Variants in ARID1B observed in about 807,000 individuals in gnomAD.
ARID1B encodes the protein AT-rich interaction domain 1B, also known as AT-rich interactive domain-containing protein 1B.
A neutral mutation model predicts 212.3 loss-of-function variants in ARID1B; 30 were observed. The observed-to-expected ratio is 0.14, with a 90% CI of 0.11 to 0.19. The LOEUF is 0.19. Ranked by LOEUF, ARID1B falls within the 10% of genes least tolerant of loss-of-function variation. ARID1B has a pLI of 1.00. For synonymous variants in ARID1B, 1,402 were observed against 1,301.7 expected (o/e 1.08, Z -1.66); for missense variants, 2,891 against 3,204.0 (o/e 0.90, Z 2.36).
chr6:156,844,958 G>C (rs898018584), intron 2 of ARID1B, among the ~76,000 whole-genome samples: 3 of 152,102 alleles, frequency 2.0e-5, no homozygotes, highest in Admixed American at 2.0e-4. Flanking sequence ...TCAAGATGGT[G>C]GAACCCATTA....
chr6:156,975,274 G>A (rs2128357141), intron 4 of ARID1B, among the ~76,000 whole-genome samples: 1 of 152,218 alleles, frequency 6.6e-6, no homozygotes, highest in Non-Finnish European at 1.5e-5. Context: ...GTGTGCATTG[G>A]CCATTTATAC....
chr6:156,957,037 T>C (rs1583025848), intron 4 of ARID1B, among the ~76,000 whole-genome samples: 1 of 152,346 alleles, frequency 6.6e-6, no homozygotes, highest in Admixed American at 6.5e-5. Flanking sequence ...TGATTTGTAA[T>C]GTATTCTGAG....
chr6:157,115,382 A>G (rs1245884798), intron 6 of ARID1B, among the ~76,000 whole-genome samples: 6 of 152,120 alleles, frequency 3.9e-5, no homozygotes, highest in Non-Finnish European at 5.9e-5. Flanking sequence ...GTTTTCCAGT[A>G]TAAAACTTGA....
chr6:157,154,877 G>A (rs1162810255), intron 8 of ARID1B, among the ~76,000 whole-genome samples: 6 of 151,956 alleles, frequency 3.9e-5, no homozygotes, highest in Non-Finnish European at 5.9e-5. Context: ...TACTGCGCCC[G>A]GCCTGTTGCT....
chr6:156,778,628 C>T lies in ARID1B; in HGVS notation c.948C>T (p.Tyr316=), dbSNP rs780851634. The T allele has an allele frequency of 1.4e-6, 2 of 1,426,618 alleles. No homozygotes were observed. The highest frequency in any genetic ancestry group is 1.4e-5 in the South Asian group (1 of 70,274). 88.4% of individuals were successfully genotyped at this position (1,426,618 alleles called of 1,614,324 possible). ...CGGCCGTCCCGGAGTTTAATAATTA[C>T]TATGGCAGCGCTGCCCCTGCGAGCG... is the stretch of plus-strand genomic sequence containing the variant. ...GPAAVPEFNN[Y]YGSAAPASGG... is the part of the protein sequence containing the mutation. The change falls in exon 1 of 20, where the codon TAC becomes TAT. Residue 316 remains tyrosine (Y), a synonymous_variant. Coordinates refer to ENST00000636930, the MANE Select transcript of ARID1B (RefSeq NM_001374828.1).
intron 4 of ARID1B, among the ~76,000 whole-genome samples, chr6:157,044,707 G>C (rs558419912): frequency 6.6e-6 from 1 of 152,294 alleles, no homozygotes; most frequent in East Asian, 1.9e-4. Flanking sequence ...TTTTGGTTCT[G>C]TAGAGCTGTG....
chr6:157,120,544 A>G (rs1787638234), intron 6 of ARID1B, among the ~76,000 whole-genome samples: 1 of 152,234 alleles, frequency 6.6e-6, no homozygotes, highest in East Asian at 1.9e-4. Flanking sequence ...GCAAATAAAC[A>G]CTGAACATAG....
chr6:157,018,906 G>T (rs559832605), intron 4 of ARID1B, among the ~76,000 whole-genome samples: 1 of 152,192 alleles, frequency 6.6e-6, no homozygotes, highest in African/African-American at 2.4e-5. Flanking sequence ...GGTCAGGGAA[G>T]ACTTGGAAGC....
intron 4 of ARID1B, among the ~76,000 whole-genome samples, chr6:157,057,280 G>C (rs940491203): frequency 3.3e-5 from 5 of 152,160 alleles, no homozygotes; most frequent in Non-Finnish European, 5.9e-5. Flanking sequence ...ACAGGCGTGA[G>C]CCACCACGTG....
chr6:156,873,842 GCCCCCAGCCCAACCTGT>G (rs1474930813), intron 2 of ARID1B, among the ~76,000 whole-genome samples: 2 of 152,100 alleles, frequency 1.3e-5, no homozygotes, highest in Non-Finnish European at 2.9e-5. Context: ...CTGGATCTGT[GCCCCCAGCCCAACCTGT>G]CTCTCAGCTG....
chr6:157,123,235 C>T (rs1443012071), intron 6 of ARID1B, among the ~76,000 whole-genome samples: 2 of 13,478 alleles, frequency 1.5e-4, no homozygotes, highest in African/African-American at 5.3e-4. Flanking sequence ...CCCCCCGCCC[C>T]CCGCCCCCCC....
intron 13 of ARID1B, among the ~76,000 whole-genome samples, chr6:157,188,546 G>T (rs1583477515): frequency 6.6e-6 from 1 of 152,174 alleles, no homozygotes; most frequent in Non-Finnish European, 1.5e-5. Flanking sequence ...CCTTGGGAAC[G>T]TCATAGGAAA....
intron 2 of ARID1B, among the ~76,000 whole-genome samples, chr6:156,870,825 A>T (rs1023604279): frequency 1.3e-5 from 2 of 152,144 alleles, no homozygotes; most frequent in African/African-American, 4.8e-5. Flanking sequence ...GCTGTGTGAC[A>T]TTGGACTCTA....
rs6902709 is a variant in ARID1B, at chr6:157,044,036, A to T, written c.2248-40626A>T. ...AAGTCCTTGCTTCCACGGATCTTAC[A>T]TTCTGGACACAACATTTGGAATGAT... is the stretch of plus-strand genomic sequence containing the variant. On this transcript the variant is annotated intron_variant, in intron 4 of 19. Coordinates refer to ENST00000636930, the MANE Select transcript of ARID1B (RefSeq NM_001374828.1). Among the ~76,000 whole-genome samples, 842 of 152,348 alleles carry T rather than the reference A, an allele frequency of 5.5e-3. 14 individuals carry two copies. The highest frequency in any genetic ancestry group is 0.02 in the African/African-American group (813 of 41,576).
At chr6:156,780,565 C>T (rs1329301098) in intron 1 of ARID1B, 1 of 152,248 alleles carries the variant, frequency 6.6e-6, no homozygotes, top group African/African-American at 2.4e-5. Context: ...ATTGGCTCCC[C>T]TCTCACCATT....
In ARID1B at chr6:157,207,203, G is replaced by A. The variant is rs761473119; in HGVS notation, c.6431G>A (p.Arg2144Lys). 13 of 1,614,078 alleles carry A rather than the reference G, an allele frequency of 8.1e-6. No homozygotes were observed. Among genetic ancestry groups the A allele is most frequent in the South Asian group, 6.6e-5 (6 of 91,080 alleles). ...EWWWDCLEVL[R>K]DNTLVTLANI... ...TGGTGGGACTGCCTCGAGGTCTTGA[G>A]GGATAACACGTTGGTCACGTTGGCC... The change falls in exon 20 of 20, where the codon AGG (arginine) becomes AAG (lysine). Residue 2144 changes from arginine to lysine, a missense_variant. Coordinates refer to ENST00000636930, the MANE Select transcript of ARID1B (RefSeq NM_001374828.1). The surrounding 1 kb of genome is among the most constrained non-coding windows in gnomAD (Gnocchi z 8.5).
Position 157,203,793 on chromosome 6 carries a change from C to T in ARID1B, c.5264-73C>T. 9 of 1,554,666 alleles carry T rather than the reference C, an allele frequency of 5.8e-6. No homozygotes were observed. The Admixed American group carries it at 8.7e-5, about 15-fold the overall frequency. Reference sequence around the variant, plus strand: ...TTAACACTCCACTTATTTTTTCTTACTCTTTCGTTAACTTTCGTTCTTTCA... The same window carrying T: ...TTAACACTCCACTTATTTTTTCTTATTCTTTCGTTAACTTTCGTTCTTTCA... On this transcript the variant is annotated intron_variant, in intron 18 of 19. Transcript: ENST00000636930. This position sits in a 1 kb window ranked among gnomAD's most constrained non-coding sequence, Gnocchi z 4.4.
At chr6:156,924,257 C>T (rs1036670974) in intron 3 of ARID1B, among the ~76,000 whole-genome samples, 9 of 152,192 alleles carry the variant, frequency 5.9e-5, no homozygotes, top group African/African-American at 2.2e-4. Context: ...ATACTATGCA[C>T]AAATTTCTTT....
intron 19 of ARID1B, chr6:157,205,887 A>G: frequency 2.5e-6 from 1 of 405,204 alleles, no homozygotes; most frequent in Non-Finnish European, 4.5e-6. Context: ...AAGATTAGAG[A>G]TATGAGAATA....
Sources: gnomAD v4.1 joint callset for allele counts (sites outside exome capture counted in the v4.1 genomes callset) on GRCh38, gnomAD v4.1.1 for gene constraint, Gnocchi (gnomAD v3.1) non-coding constraint, MANE v1.5 for transcripts, NCBI Gene and HGNC (gene_info 2026-07-23, HGNC 2026-07-21) for gene names.